DDX19B: variants seen among roughly 807,000 people sequenced by gnomAD.
The protein encoded by DDX19B is ATP-dependent RNA helicase DDX19B.
In DDX19B, 27 loss-of-function variants were observed where a neutral mutation model predicts 58.1. The ratio of observed to expected loss-of-function variants is 0.46; its 90% CI spans 0.34 to 0.64. The LOEUF (loss-of-function observed/expected upper bound fraction) is 0.64, where lower values mean the gene tolerates loss of function less well. Ranked by LOEUF, DDX19B falls within the 30% of genes least tolerant of loss-of-function variation. The probability of loss-of-function intolerance (pLI) is 0.01; values close to 1 mark genes in which losing one functional copy is unlikely to be tolerated. For synonymous variants in DDX19B, 187 were observed against 214.4 expected, an observed-to-expected ratio of 0.87 and a Z score of 1.12; for missense variants, 399 against 596.5, an observed-to-expected ratio of 0.67 and a Z score of 3.45.
chr16:70,311,978 A>T (rs1005367229), intron 1 of DDX19B, among the ~76,000 whole-genome samples: 1 of 152,008 alleles, frequency 6.6e-6, no homozygotes, highest in African/African-American at 2.4e-5. Flanking sequence ...AGTAGCTGGC[A>T]CTACAGGCAT....
intron 5 of DDX19B, among the ~76,000 whole-genome samples, chr16:70,318,893 C>T (rs778562928): frequency 1.3e-5 from 2 of 151,622 alleles, no homozygotes; most frequent in South Asian, 2.1e-4. Context: ...TCACAAGCTC[C>T]GGAGATCGAG....
chr16:70,302,790 A>G (rs921931123), intron 1 of DDX19B, among the ~76,000 whole-genome samples: 1 of 152,178 alleles, frequency 6.6e-6, no homozygotes. Context: ...GTTATGTCGT[A>G]TGTGTTTAAC....
chr16:70,307,230 A>C (rs1961800656), intron 1 of DDX19B, among the ~76,000 whole-genome samples: 1 of 152,198 alleles, frequency 6.6e-6, no homozygotes, highest in African/African-American at 2.4e-5. Context: ...TCGGGTATAT[A>C]TCTAGAAGTG....
At chr16:70,306,389 C>G (rs184638800) in intron 1 of DDX19B, among the ~76,000 whole-genome samples, 90 of 151,576 alleles carry the variant, frequency 5.9e-4, no homozygotes, top group Admixed American at 1.8e-3. Context: ...TGAGCTCAAG[C>G]TATCACCTGC....
In DDX19B at chr16:70,333,592, C is replaced by G. The variant is rs536725056; in HGVS notation, c.*10C>G. ...GAAAATAGCCAACTGAGAAGCTCCA[C>G]CAGCCACTGATGCCAGCCCTGGCAC... is the stretch of plus-strand genomic sequence containing the variant. On this transcript the variant is annotated 3_prime_UTR_variant, in exon 12 of 12. Transcript: ENST00000288071. 5 of 1,614,022 alleles carry G rather than the reference C, an allele frequency of 3.1e-6. No individual in the cohort carries two copies. The Admixed American group carries it at 8.3e-5, about 27-fold the overall frequency.
chr16:70,321,767 C>T (rs1156994183), intron 5 of DDX19B, among the ~76,000 whole-genome samples: 2 of 152,170 alleles, frequency 1.3e-5, no homozygotes, highest in Non-Finnish European at 2.9e-5. Flanking sequence ...GGCGTGGTGG[C>T]TCACGCCTGT....
intron 5 of DDX19B, chr16:70,319,824 T>G (rs1962668727): frequency 6.6e-6 from 1 of 151,974 alleles, no homozygotes; most frequent in Middle Eastern, 3.2e-3. Flanking sequence ...CCCAGAAGAT[T>G]GAGGCTACAG....
At chr16:70,296,260 C>G (rs1481518629), upstream of DDX19B, among the ~76,000 whole-genome samples, 1 of 151,974 alleles carries the variant, frequency 6.6e-6, no homozygotes. Flanking sequence ...CTTGGCCTCC[C>G]AAACTGCTGG....
At chr16:70,311,831 T>G (rs1235509221) in intron 1 of DDX19B, among the ~76,000 whole-genome samples, 1 of 151,494 alleles carries the variant, frequency 6.6e-6, no homozygotes, top group Non-Finnish European at 1.5e-5. Flanking sequence ...CAGATGCTTT[T>G]CTTTTCTTTT....
intron 6 of DDX19B, 150 bp from the exon 7 acceptor site, chr16:70,325,424 C>G: frequency 1.6e-6 from 1 of 608,018 alleles, no homozygotes; most frequent in East Asian, 2.7e-5. Flanking sequence ...GCTTATGACT[C>G]TGTAGCTTAA....
chr16:70,304,589 T>A (rs539018874), intron 1 of DDX19B, among the ~76,000 whole-genome samples: 2 of 151,752 alleles, frequency 1.3e-5, no homozygotes, highest in East Asian at 1.9e-4. Context: ...GCCAGGCTGG[T>A]CTCAAACCCC....
At chr16:70,292,055 G>A (rs1445731452), upstream of DDX19B, among the ~76,000 whole-genome samples, 3 of 152,112 alleles carry the variant, frequency 2.0e-5, no homozygotes, top group Non-Finnish European at 4.4e-5. Flanking sequence ...AGAGGCTGAG[G>A]AAGGAGAATC....
intron 1 of DDX19B, among the ~76,000 whole-genome samples, chr16:70,304,411 C>G (rs1006050139): frequency 6.8e-6 from 1 of 146,492 alleles, no homozygotes; most frequent in African/African-American, 2.5e-5. Flanking sequence ...TTGCTCTTGT[C>G]CCCCAGGTTG....
At position 70,309,837 on chromosome 16, in the gene DDX19B, A is replaced by AAG. The variant is rs1961990325; in HGVS notation, c.58-2768_58-2767dup. Among the ~76,000 whole-genome samples the AAG allele has an allele frequency of 3.3e-5, 5 of 149,530 alleles. 1 individual carries two copies. The highest frequency in any genetic ancestry group is 2.5e-5 in the African/African-American group (1 of 40,768). On this transcript the variant is annotated intron_variant, in intron 1 of 11. Transcript: ENST00000288071. ...CGTCTCAAAAAAAAAAAAAAAAAAAAAGAGAAATAGAAATGGGGCTCCTCC... is the reference window on the plus strand; with the variant it reads ...CGTCTCAAAAAAAAAAAAAAAAAAAAAGAGAGAAATAGAAATGGGGCTCCTCC...
At chr16:70,327,250 G>A (rs1014872535) in intron 7 of DDX19B, among the ~76,000 whole-genome samples, 6 of 151,534 alleles carry the variant, frequency 4.0e-5, no homozygotes, top group African/African-American at 1.5e-4. Context: ...AATTTTTTTT[G>A]TAGGCCAAAC....
intron 5 of DDX19B, among the ~76,000 whole-genome samples, chr16:70,322,588 CAAAAAAAAAAAAA>C (rs568610716): frequency 2.1e-5 from 1 of 47,510 alleles, no homozygotes; most frequent in Non-Finnish European, 4.0e-5. Flanking sequence ...GACCTTGTCT[CAAAAAAAAAAAAA>C]AAAAAAAAAA....
chr16:70,318,953 A>T (rs1962605299), intron 5 of DDX19B, among the ~76,000 whole-genome samples: 1 of 150,970 alleles, frequency 6.6e-6, no homozygotes, highest in Admixed American at 6.6e-5. Flanking sequence ...AAATACAAAA[A>T]ATTAGCTGGG....
intron 1 of DDX19B, among the ~76,000 whole-genome samples, chr16:70,308,582 G>A (rs1237267044): frequency 6.6e-6 from 1 of 151,670 alleles, no homozygotes; most frequent in Non-Finnish European, 1.5e-5. Flanking sequence ...TGTTACCCAG[G>A]CTTGTCTCGA....
At chr16:70,318,481 C>T (rs1463308865) in intron 5 of DDX19B, among the ~76,000 whole-genome samples, 1 of 151,836 alleles carries the variant, frequency 6.6e-6, no homozygotes, top group African/African-American at 2.4e-5. Context: ...TCTATGTAAA[C>T]ATATAACTTT....
Sources: allele counts gnomAD v4.1 joint callset (sites outside exome capture counted in the v4.1 genomes callset), GRCh38; gene constraint gnomAD v4.1.1; transcripts MANE v1.5; gene names NCBI Gene and HGNC (gene_info 2026-07-23, HGNC 2026-07-21).